NEXMIF: variants seen among roughly 807,000 people sequenced by gnomAD.
NEXMIF encodes XLMR protein related to neurite extension.
NEXMIF carries 8 observed loss-of-function variants against 62.1 expected under a neutral mutation model. The ratio of observed to expected loss-of-function variants is 0.13; its 90% CI spans 0.08 to 0.23. The LOEUF (loss-of-function observed/expected upper bound fraction) is 0.23, where lower values mean the gene tolerates loss of function less well. Among genes scored for constraint, NEXMIF ranks in the 10% least tolerant of loss-of-function variants. NEXMIF has a pLI of 1.00. For synonymous variants in NEXMIF, 404 were observed against 416.6 expected (o/e 0.97, Z 0.37); for missense variants, 976 against 1,113.3 (o/e 0.88, Z 1.75).
At chrX:74,821,577 A>G (rs1957694923) in intron 1 of NEXMIF, among the ~76,000 whole-genome samples, 1 of 112,341 alleles carries the variant, frequency 8.9e-6, no homozygotes, top group Admixed American at 9.4e-5. Flanking sequence ...GAGAAAATGA[A>G]TAATATCGAC....
chrX:74,797,706 A>ATG (rs1439445784), intron 1 of NEXMIF, among the ~76,000 whole-genome samples: 2 of 111,908 alleles, frequency 1.8e-5, no homozygotes, highest in African/African-American at 6.5e-5. Flanking sequence ...TGGTGTTCAA[A>ATG]TGCCCTTTCA....
At chrX:74,803,923 T>A in intron 1 of NEXMIF, among the ~76,000 whole-genome samples, 1 of 111,566 alleles carries the variant, frequency 9.0e-6, no homozygotes, top group Middle Eastern at 4.6e-3. Context: ...AGTACTTCAA[T>A]CAGAAAGAAA....
At chrX:74,778,872 C>T (rs993292517) in intron 1 of NEXMIF, among the ~76,000 whole-genome samples, 4 of 111,807 alleles carry the variant, frequency 3.6e-5, no homozygotes, top group Non-Finnish European at 5.6e-5. Flanking sequence ...AATGATCCGC[C>T]CACCTCAGCC....
At chrX:74,886,653 T>C (rs1390256647) in intron 1 of NEXMIF, among the ~76,000 whole-genome samples, 7 of 110,210 alleles carry the variant, frequency 6.4e-5, no homozygotes, top group Admixed American at 9.6e-5. Flanking sequence ...TAAAAGAGGA[T>C]ACAAACAAAT....
At chrX:74,799,158 C>A (rs181912832) in intron 1 of NEXMIF, among the ~76,000 whole-genome samples, 41 of 111,402 alleles carry the variant, frequency 3.7e-4, no homozygotes, top group Non-Finnish European at 3.4e-4. Context: ...AGCCATCACA[C>A]CTGGCCACTA....
intron 1 of NEXMIF, among the ~76,000 whole-genome samples, chrX:74,808,905 C>G (rs763297396): frequency 1.8e-4 from 20 of 112,063 alleles, no homozygotes; most frequent in Non-Finnish European, 3.0e-4. Flanking sequence ...TTGTTCCTTC[C>G]AAAATGCATG....
chrX:74,854,803 A>G (rs1469784180), intron 1 of NEXMIF, among the ~76,000 whole-genome samples: 1 of 111,967 alleles, frequency 8.9e-6, no homozygotes, highest in Non-Finnish European at 1.9e-5. Flanking sequence ...AATCCCATTT[A>G]CAATAGTTAT....
intron 1 of NEXMIF, among the ~76,000 whole-genome samples, chrX:74,823,336 A>G (rs932229771): frequency 1.8e-5 from 2 of 111,513 alleles, no homozygotes; most frequent in Admixed American, 9.6e-5. Context: ...GCCTTATACG[A>G]GTGAATTGTA....
intron 1 of NEXMIF, among the ~76,000 whole-genome samples, chrX:74,781,649 A>G (rs1171944146): frequency 9.4e-6 from 1 of 106,049 alleles, no homozygotes; most frequent in Non-Finnish European, 1.9e-5. Flanking sequence ...AATGTATACT[A>G]AGATTTTCCC....
intron 1 of NEXMIF, among the ~76,000 whole-genome samples, chrX:74,904,413 C>CT (rs1316170059): frequency 2.7e-5 from 3 of 111,919 alleles, no homozygotes; most frequent in Non-Finnish European, 3.8e-5. Context: ...TTTTAAATGG[C>CT]TAAATAGCAA....
At chrX:74,908,154 G>A (rs748477390) in intron 1 of NEXMIF, among the ~76,000 whole-genome samples, 13 of 111,826 alleles carry the variant, frequency 1.2e-4, no homozygotes, top group Non-Finnish European at 2.4e-4. Flanking sequence ...GGAAACCCAA[G>A]AGGACAGTCC....
chrX:74,833,458 C>A (rs1175280532), intron 1 of NEXMIF, among the ~76,000 whole-genome samples: 21 of 111,293 alleles, frequency 1.9e-4, no homozygotes, highest in Non-Finnish European at 3.8e-5. Context: ...ATTTTCAGTC[C>A]ATGTATATCT....
At position 74,916,314 on chromosome X, in the gene NEXMIF, A is replaced by G. The variant is rs1470855370; in HGVS notation, c.-48+8569T>C. 2.7e-5 allele frequency among the ~76,000 whole-genome samples: 3 copies of G among 111,907 alleles called. No individual in the cohort carries two copies. In the East Asian group the frequency reaches 8.5e-4, roughly 32 times the overall value. On this transcript the variant is annotated intron_variant, in intron 1 of 3. Coordinates refer to ENST00000055682, the MANE Select transcript of NEXMIF (RefSeq NM_001008537.3). ...CCATAGGGGCTGGAAATCTTGTCTC[A>G]ACCCAGCTAGAGATACCTATTTGCC...
intron 1 of NEXMIF, among the ~76,000 whole-genome samples, chrX:74,853,666 T>C (rs754129517): frequency 2.7e-5 from 3 of 110,864 alleles, no homozygotes; most frequent in African/African-American, 9.8e-5. Context: ...TGCCTAAAAA[T>C]AATTTCTTAA....
intron 3 of NEXMIF, 126 bp downstream of exon 3, chrX:74,739,974 G>A: frequency 1.8e-6 from 1 of 565,072 alleles, no homozygotes; most frequent in Non-Finnish European, 2.7e-6. Flanking sequence ...TGAAAAAGAA[G>A]GGAATGGGAC....
chrX:74,794,702 G>A (rs2080299965), intron 1 of NEXMIF, among the ~76,000 whole-genome samples: 1 of 111,801 alleles, frequency 8.9e-6, no homozygotes, highest in African/African-American at 3.3e-5. Flanking sequence ...AAGCCCGTCG[G>A]AAAAGCGCCA....
At chrX:74,830,968 T>A (rs1362149917) in intron 1 of NEXMIF, among the ~76,000 whole-genome samples, 1 of 111,331 alleles carries the variant, frequency 9.0e-6, no homozygotes, top group Non-Finnish European at 1.9e-5. Flanking sequence ...CGTTGTTTTT[T>A]TTCAAATGTA....
At chrX:74,916,606 A>G (rs1281076526) in intron 1 of NEXMIF, among the ~76,000 whole-genome samples, 1 of 111,458 alleles carries the variant, frequency 9.0e-6, no homozygotes, top group Non-Finnish European at 1.9e-5. Flanking sequence ...CCCTACAGAG[A>G]ATTCACCAGC....
chrX:74,797,506 TCA>T (rs1007207375), intron 1 of NEXMIF, among the ~76,000 whole-genome samples: 2 of 111,467 alleles, frequency 1.8e-5, no homozygotes, highest in African/African-American at 3.3e-5. Context: ...TAAACCATGT[TCA>T]CACACACACA....
Sources: gnomAD v4.1 joint callset for allele counts (sites outside exome capture counted in the v4.1 genomes callset) on GRCh38, gnomAD v4.1.1 for gene constraint, MANE v1.5 for transcripts, NCBI Gene and HGNC (gene_info 2026-07-23, HGNC 2026-07-21) for gene names.